The following MBNL2 variants were observed in gnomAD, a reference collection of about 807,000 sequenced individuals.
The protein encoded by MBNL2 is muscleblind like splicing regulator 2.
A neutral mutation model predicts 41.9 loss-of-function variants in MBNL2; 17 were observed. That is an observed-to-expected ratio of 0.41 (90% CI 0.28 to 0.61). The LOEUF is 0.61. MBNL2 is among the 20% of genes least tolerant of loss of function. The pLI is 0.35. For synonymous variants in MBNL2, 195 were observed against 182.9 expected (o/e 1.07, Z -0.53); for missense variants, 336 against 505.6 (o/e 0.66, Z 3.22).
the MBNL2 span, among the ~76,000 whole-genome samples, chr13:97,202,739 G>A: frequency 1.2e-4 from 19 of 152,290 alleles, no homozygotes; most frequent in South Asian, 2.1e-3. Context: ...ACTGTAGAAC[G>A]TAGAACGGAA....
chr13:97,286,047 A>G (rs749195328), intron 2 of MBNL2, among the ~76,000 whole-genome samples: 1 of 152,206 alleles, frequency 6.6e-6, no homozygotes, highest in Non-Finnish European at 1.5e-5. Flanking sequence ...GGCCTGCCAC[A>G]TGTCTTTATC....
chr13:97,342,945 G>A, intron 3 of MBNL2, 71 bp from the exon 4 acceptor site: 1 of 931,682 alleles, frequency 1.1e-6, no homozygotes, highest in Non-Finnish European at 1.7e-6. Flanking sequence ...TTGCTCAAAT[G>A]ACATTTGCTG....
In MBNL2 at chr13:97,279,038, C is replaced by T. The variant is rs75344065; in HGVS notation, c.174+2629C>T. Among the ~76,000 whole-genome samples, 1,459 of 152,246 alleles carry T rather than the reference C, an allele frequency of 9.6e-3. 34 individuals are homozygous for T. Among genetic ancestry groups the T allele is most frequent in the African/African-American group, 0.033 (1,384 of 41,532 alleles). The stretch of plus-strand genomic sequence containing the variant: ...GCAACACGCTGGCATATTCACATTA[C>T]GAGGTTCTTGTGAGGATTGCAAGCT... On this transcript the variant is annotated intron_variant, in intron 2 of 8. Coordinates refer to ENST00000679496, the MANE Select transcript of MBNL2 (RefSeq NM_001382683.1).
intron 3 of MBNL2, among the ~76,000 whole-genome samples, chr13:97,339,495 A>G (rs1594233550): frequency 6.6e-6 from 1 of 152,232 alleles, no homozygotes; most frequent in South Asian, 2.1e-4. Context: ...CTGAGAGATG[A>G]CGTGGACCAA....
chr13:97,390,656 T>TAATA (rs2153174244), intron 8 of MBNL2, among the ~76,000 whole-genome samples: 1 of 152,250 alleles, frequency 6.6e-6, no homozygotes, highest in South Asian at 2.1e-4. Context: ...AGCTTGCACT[T>TAATA]AATAGTTTAC....
Position 97,346,842 on chromosome 13 carries a change from A to G in MBNL2, c.579A>G (p.Gly193=). The change falls in exon 5 of 9, where the codon GGA becomes GGG. Residue 193 remains glycine (G), a synonymous_variant. Transcript: ENST00000679496. The surrounding 1 kb of genome is among the most constrained non-coding windows in gnomAD (Gnocchi z 4.2). Reference sequence around the variant, plus strand: ...TCCAGCGAGGAAACTGTGCCCGGGGAGAGACCGACTGCCGCTTTGCACACC... The same window carrying G: ...TCCAGCGAGGAAACTGTGCCCGGGGGGAGACCGACTGCCGCTTTGCACACC... ...REFQRGNCAR[G]ETDCRFAHPA... 6.2e-7 allele frequency: 1 copy of G among 1,614,030 alleles called. No homozygotes were observed. The highest frequency in any genetic ancestry group is 8.5e-7 in the Non-Finnish European group (1 of 1,179,916).
At chr13:97,162,624 T>C in the MBNL2 span, among the ~76,000 whole-genome samples, 1 of 152,184 alleles carries the variant, frequency 6.6e-6, no homozygotes, top group Non-Finnish European at 1.5e-5. Context: ...CGCTCCTCAC[T>C]GTTTCTTCAC....
intron 1 of MBNL2, among the ~76,000 whole-genome samples, chr13:97,252,743 G>T (rs540923228): frequency 1.2e-3 from 177 of 152,106 alleles, no homozygotes; most frequent in African/African-American, 4.0e-3. Flanking sequence ...CAACTTAACT[G>T]AACTCACTTT....
chr13:97,364,972 T>A (rs2063737336), intron 7 of MBNL2, among the ~76,000 whole-genome samples, 164 bp from the exon 8 acceptor site: 1 of 152,206 alleles, frequency 6.6e-6, no homozygotes, highest in African/African-American at 2.4e-5. Context: ...AAGTCAGATA[T>A]ATTTGTGTCT....
chr13:97,218,440 C>CAAACAACAAA (rs1555302256), upstream of MBNL2, among the ~76,000 whole-genome samples: 8 of 117,974 alleles, frequency 6.8e-5, no homozygotes, highest in South Asian at 1.8e-3. Flanking sequence ...CAAAACAAAA[C>CAAACAACAAA]AAAAAAAAAA....
chr13:97,237,818 A>G (rs747141233), intron 1 of MBNL2, among the ~76,000 whole-genome samples: 5 of 152,204 alleles, frequency 3.3e-5, no homozygotes, highest in Admixed American at 6.5e-5. Context: ...GGGTCAGACA[A>G]TGCTTTAGAG....
chr13:97,254,634 C>A (rs960794897), intron 1 of MBNL2, among the ~76,000 whole-genome samples: 1 of 152,100 alleles, frequency 6.6e-6, no homozygotes, highest in Non-Finnish European at 1.5e-5. Flanking sequence ...CTGTTCCCCC[C>A]GCCTCTCTTT....
intron 2 of MBNL2, among the ~76,000 whole-genome samples, chr13:97,310,350 G>T (rs1484289304): frequency 2.0e-5 from 3 of 152,066 alleles, no homozygotes; most frequent in Non-Finnish European, 2.9e-5. Flanking sequence ...TTTTATGTTA[G>T]ATATAATAAA....
At chr13:97,283,286 G>A (rs75378915) in intron 2 of MBNL2, among the ~76,000 whole-genome samples, 9,029 of 152,046 alleles carry the variant, frequency 0.059, 721 homozygotes, top group African/African-American at 0.18. Flanking sequence ...CCACCTCTGT[G>A]CCAATGAATT....
chr13:97,316,144 G>A (rs867676911), intron 2 of MBNL2, among the ~76,000 whole-genome samples: 1 of 152,076 alleles, frequency 6.6e-6, no homozygotes, highest in Non-Finnish European at 1.5e-5. Context: ...TCTGCACCTC[G>A]ACTGATGACA....
chr13:97,214,182 AT>A, the MBNL2 span, among the ~76,000 whole-genome samples: 68 of 145,426 alleles, frequency 4.7e-4, 1 homozygote, highest in South Asian at 0.015. Flanking sequence ...GAAATAGAAA[AT>A]CCTGATTCTG....
intron 1 of MBNL2, among the ~76,000 whole-genome samples, chr13:97,237,669 T>A (rs2043537366): frequency 6.6e-6 from 1 of 152,198 alleles, no homozygotes; most frequent in Non-Finnish European, 1.5e-5. Flanking sequence ...ATGCAGGTTT[T>A]TCTGGAGCAT....
intron 5 of MBNL2, among the ~76,000 whole-genome samples, chr13:97,350,656 A>G (rs1157609351): frequency 6.6e-6 from 1 of 152,224 alleles, no homozygotes; most frequent in Non-Finnish European, 1.5e-5. Context: ...TCAAGAAACT[A>G]CTTTCTTTGC....
the MBNL2 span, among the ~76,000 whole-genome samples, chr13:97,210,999 G>C: frequency 6.6e-6 from 1 of 151,968 alleles, no homozygotes; most frequent in Non-Finnish European, 1.5e-5. Context: ...GGAGAGGAAG[G>C]CAGGGGTTGG....
Sources: allele counts gnomAD v4.1 joint callset (sites outside exome capture counted in the v4.1 genomes callset), GRCh38; gene constraint gnomAD v4.1.1; non-coding constraint Gnocchi (gnomAD v3.1); transcripts MANE v1.5; gene names NCBI Gene and HGNC (gene_info 2026-07-23, HGNC 2026-07-21).